KIF23: variants seen among roughly 807,000 people sequenced by gnomAD.
The protein encoded by KIF23 is kinesin family member 23.
Under a neutral mutation model 137.5 loss-of-function variants are expected in KIF23, and 30 were observed. That is an observed-to-expected ratio of 0.22 (90% confidence interval 0.16 to 0.30). The LOEUF (loss-of-function observed/expected upper bound fraction) is 0.30, where lower values mean the gene tolerates loss of function less well. Ranked by LOEUF, KIF23 falls within the 10% of genes least tolerant of loss-of-function variation. The probability of loss-of-function intolerance (pLI) is 1.00; values close to 1 mark genes in which losing one functional copy is unlikely to be tolerated. For synonymous variants in KIF23, 367 were observed against 391.1 expected (o/e 0.94, Z 0.73); for missense variants, 920 against 1,194.3 (o/e 0.77, Z 3.38).
At chr15:69,428,685 A>AC (rs1567065881) in intron 10 of KIF23, among the ~76,000 whole-genome samples, 4 of 113,346 alleles carry the variant, frequency 3.5e-5, no homozygotes. Context: ...AAAAAAAAAA[A>AC]CAAAAGAATT....
chr15:69,421,964 T>G (rs780349117), intron 4 of KIF23, 28 bp from the exon 5 acceptor site: 1 of 1,611,378 alleles, frequency 6.2e-7, no homozygotes, highest in African/African-American at 1.3e-5. Context: ...TTCTAAGATA[T>G]AACTCATTGT....
At chr15:69,439,856 T>C (rs1465047975) in intron 16 of KIF23, 48 bp from the exon 17 acceptor site, 5 of 1,381,070 alleles carry the variant, frequency 3.6e-6, no homozygotes, top group Non-Finnish European at 4.9e-6. Flanking sequence ...TATAGCGACA[T>C]GAAATGTTTA....
In KIF23 at chr15:69,428,967, A is replaced by G. The variant is rs549584040; in HGVS notation, c.1012-144A>G. ...ATACTCTTCTAGCAAACTCTCCCCT[A>G]AAATAGGTATCCTTTGCCTGTCCTG... On this transcript the variant is annotated intron_variant, in intron 10 of 23. Transcript: ENST00000679126. 4.3e-4 allele frequency: 222 copies of G among 521,676 alleles called. 2 individuals are homozygous for G. Among genetic ancestry groups the G allele is most frequent in the African/African-American group, 3.9e-3 (201 of 51,522 alleles). The allele number at this position is 521,676 out of a possible 1,614,324, so 32.3% of individuals were successfully genotyped here.
Position 69,426,447 on chromosome 15 carries a change from A to G in KIF23, c.1001A>G (p.Asn334Ser), listed in dbSNP as rs138116206. 34 of 1,614,006 alleles carry G rather than the reference A, an allele frequency of 2.1e-5. No individual in the cohort carries two copies. The Admixed American group carries it at 3.5e-4, about 17-fold the overall frequency. ...VQAPLDADGD[N>S]VLQEKEQITI... The stretch of plus-strand genomic sequence containing the variant: ...GCTCCCTTGGATGCAGATGGAGACA[A>G]TGTCTTACAGGTAAAGTTGTAGTAT... Residue 334 changes from asparagine to serine, a missense_variant, in exon 10 of 24, where the codon AAT (asparagine) becomes AGT (serine). This residue lies in a region of KIF23 where 714 missense variants were observed against 866.2 expected (regional missense o/e 0.82). Coordinates refer to ENST00000679126, the MANE Select transcript of KIF23 (RefSeq NM_001367805.3).
intron 10 of KIF23, 188 bp downstream of exon 10, chr15:69,426,645 T>C: frequency 1.7e-6 from 1 of 595,416 alleles, no homozygotes; most frequent in Non-Finnish European, 2.9e-6. Flanking sequence ...CGCTTGAACC[T>C]GGGAGGCAGA....
At chr15:69,423,700 G>A (rs930481049) in intron 7 of KIF23, among the ~76,000 whole-genome samples, 2 of 152,108 alleles carry the variant, frequency 1.3e-5, no homozygotes, top group Non-Finnish European at 2.9e-5. Context: ...TTAACCACCC[G>A]TGTCTTGGTG....
At position 69,429,247 on chromosome 15, in the gene KIF23, A is replaced by C. The variant is rs151231380; in HGVS notation, c.1114+34A>C. 1.5e-3 allele frequency: 2,126 copies of C among 1,430,536 alleles called. 32 individuals are homozygous for C. In the African/African-American group the frequency reaches 0.025, roughly 17 times the overall value. 88.6% of individuals were successfully genotyped at this position (1,430,536 alleles called of 1,614,324 possible). On this transcript the variant is annotated intron_variant, in intron 11 of 23. Transcript: ENST00000679126. ...AGCATGGTATTTATTTATTGCTACA[A>C]CTTTCAGAAACTTGCAATGCCAGTT...
At chr15:69,436,016 A>G (rs889342354) in intron 13 of KIF23, 122 bp from the exon 14 acceptor site, 7 of 1,341,484 alleles carry the variant, frequency 5.2e-6, no homozygotes, top group African/African-American at 2.9e-5. Context: ...ATGCCACTGC[A>G]CTCCAGCCTG....
chr15:69,435,910 G>T, intron 13 of KIF23, 139 bp downstream of exon 13: 1 of 1,264,744 alleles, frequency 7.9e-7, no homozygotes, highest in East Asian at 2.4e-5. Flanking sequence ...GGCTTGGTGT[G>T]GTGGCTTATG....
chr15:69,435,917 T>C, intron 13 of KIF23, 146 bp downstream of exon 13: 1 of 1,248,958 alleles, frequency 8.0e-7, no homozygotes, highest in South Asian at 1.5e-5. Flanking sequence ...TGTGGTGGCT[T>C]ATGCTTATAA....
chr15:69,418,748 G>T (rs1595978326), intron 3 of KIF23, among the ~76,000 whole-genome samples: 1 of 152,156 alleles, frequency 6.6e-6, no homozygotes, highest in South Asian at 2.1e-4. Flanking sequence ...GGAACTGCCC[G>T]TGTGAGTTAG....
rs1216761373 is a variant in KIF23 at position 69,427,743 on chromosome 15, T to C, written c.1011+1286T>C. On this transcript the variant is annotated intron_variant, in intron 10 of 23. Coordinates refer to ENST00000679126, the MANE Select transcript of KIF23 (RefSeq NM_001367805.3). ...TAACTGTAATCCATTAAAGTGTAAT[T>C]TTATTCAAACTGTATCATGAAATTG... Among the ~76,000 whole-genome samples, 3 of 152,184 alleles carry C rather than the reference T, an allele frequency of 2.0e-5. No homozygotes were observed. In the East Asian group the frequency reaches 5.8e-4, roughly 29 times the overall value.
chr15:69,426,143 G>A lies in KIF23; in HGVS notation c.850G>A (p.Val284Met). 6.2e-7 allele frequency: 1 copy of A among 1,609,286 alleles called. No homozygotes were observed. Among genetic ancestry groups the A allele is most frequent in the Admixed American group, 1.7e-5 (1 of 58,292 alleles). The change falls in exon 9 of 24, where the codon GTG becomes ATG. Residue 284 changes from valine (V) to methionine (M), a missense_variant. Val to Met is a conservative substitution (Grantham distance 21, BLOSUM62 1). Coordinates refer to ENST00000679126, the MANE Select transcript of KIF23 (RefSeq NM_001367805.3). ...MYVAGCTEVE[V>M]KSTEEAFEVF... ...TGTTGCAGGATGTACAGAAGTTGAA[G>A]TGAAATCTACTGAGGAGGCTTTTGA...
At chr15:69,426,646 G>A in intron 10 of KIF23, 189 bp downstream of exon 10, 1 of 586,546 alleles carries the variant, frequency 1.7e-6, no homozygotes, top group Non-Finnish European at 3.0e-6. Flanking sequence ...GCTTGAACCT[G>A]GGAGGCAGAG....
chr15:69,445,215 C>T (rs1412276212), intron 20 of KIF23, among the ~76,000 whole-genome samples, 174 bp downstream of exon 20: 2 of 152,200 alleles, frequency 1.3e-5, no homozygotes, highest in East Asian at 3.9e-4. Context: ...TTTAAGTCTG[C>T]CAAACTGGGA....
chr15:69,438,338 AGAT>A lies in KIF23; in HGVS notation c.1692_1694del (p.Met564del). On this transcript the variant is annotated inframe_deletion, in exon 16 of 24. Coordinates refer to ENST00000679126, the MANE Select transcript of KIF23 (RefSeq NM_001367805.3). ...CAAGGGAAACTAAATGAAAAGGAGAAGATGATCTCAGGACAGAAATTGGAAATA... is the reference window on the plus strand; with the variant it reads ...CAAGGGAAACTAAATGAAAAGGAGAAGATCTCAGGACAGAAATTGGAAATA... 1 of 1,613,418 alleles carries A rather than the reference AGAT, an allele frequency of 6.2e-7. No homozygotes were observed. The highest frequency in any genetic ancestry group is 8.5e-7 in the Non-Finnish European group (1 of 1,179,776).
At chr15:69,432,439 T>A (rs1337327413) in intron 11 of KIF23, among the ~76,000 whole-genome samples, 1 of 152,236 alleles carries the variant, frequency 6.6e-6, no homozygotes, top group African/African-American at 2.4e-5. Context: ...AGGAGGAATA[T>A]TTCAAGGCAA....
At chr15:69,442,393 G>A (rs1052598917) in intron 19 of KIF23, among the ~76,000 whole-genome samples, 6 of 152,148 alleles carry the variant, frequency 3.9e-5, no homozygotes, top group East Asian at 1.9e-4. Flanking sequence ...TAATGTTTGC[G>A]AATTTTATAT....
At position 69,438,369 on chromosome 15, in the gene KIF23, A is replaced by G. The variant is rs766420062; in HGVS notation, c.1719A>G (p.Glu573=). 6.2e-7 allele frequency: 1 copy of G among 1,609,994 alleles called. No individual in the cohort carries two copies. Among genetic ancestry groups the G allele is most frequent in the African/African-American group, 1.3e-5 (1 of 74,696 alleles). ...TCTCAGGACAGAAATTGGAAATAGA[A>G]CGACTGGAAAAGAAAAACAAAACTT... ...KMISGQKLEI[E]RLEKKNKTLE... The change falls in exon 16 of 24, where the codon GAA becomes GAG. Residue 573 remains glutamate (E), a synonymous_variant. Transcript: ENST00000679126.
Sources: gnomAD v4.1 joint callset for allele counts (sites outside exome capture counted in the v4.1 genomes callset) on GRCh38, gnomAD v4.1.1 for gene constraint, gnomAD v4.1.1 regional missense constraint, MANE v1.5 for transcripts, NCBI Gene and HGNC (gene_info 2026-07-23, HGNC 2026-07-21) for gene names.